The following CPXM2 variants were observed in gnomAD, a reference collection of about 807,000 sequenced individuals.
CPXM2 encodes inactive carboxypeptidase-like protein X2.
A neutral mutation model predicts 86.1 loss-of-function variants in CPXM2; 66 were observed. The ratio of observed to expected loss-of-function variants is 0.77; its 90% CI spans 0.63 to 0.94. The LOEUF is 0.94. Among genes scored for constraint, CPXM2 ranks in the 40% least tolerant of loss-of-function variants. CPXM2 has a pLI of 0.00. For missense variants in CPXM2, 948 were observed against 1,026.3 expected (o/e 0.92, Z 1.04); for synonymous variants, 388 against 400.2 (o/e 0.97, Z 0.36).
chr10:123,789,088 G>A (rs548859820), intron 6 of CPXM2, among the ~76,000 whole-genome samples: 6 of 152,190 alleles, frequency 3.9e-5, no homozygotes, highest in South Asian at 2.1e-4. Flanking sequence ...AGCTGAGCAC[G>A]AAACCCCTCC....
chr10:123,843,430 C>CT lies in CPXM2; in HGVS notation c.514-943dup, dbSNP rs1295436202. Among the ~76,000 whole-genome samples, 647 of 104,426 alleles carry CT rather than the reference C, an allele frequency of 6.2e-3. 7 individuals carry two copies. Among genetic ancestry groups the CT allele is most frequent in the African/African-American group, 0.024 (609 of 25,656 alleles). 68.5% of individuals were successfully genotyped at this position (104,426 alleles called of 152,430 possible). A position where few individuals can be genotyped will look rare whatever the true frequency, so the allele number is the denominator to read the frequency against. On this transcript the variant is annotated intron_variant, in intron 3 of 13. Coordinates refer to ENST00000241305, the MANE Select transcript of CPXM2 (RefSeq NM_198148.3). ...ATTTTTCCATGGCTATTTCACAGAG[C>CT]TATTTTTTTTTTTTTTTTTTTGAGA... is the stretch of plus-strand genomic sequence containing the variant.
At chr10:123,882,109 GA>G (rs1252904200) in intron 1 of CPXM2, among the ~76,000 whole-genome samples, 1 of 152,182 alleles carries the variant, frequency 6.6e-6, no homozygotes, top group African/African-American at 2.4e-5. Flanking sequence ...CACTTATTAA[GA>G]AAACCTTAAA....
At chr10:123,840,681 A>G (rs1029355560) in intron 4 of CPXM2, among the ~76,000 whole-genome samples, 7 of 152,248 alleles carry the variant, frequency 4.6e-5, no homozygotes, top group Admixed American at 2.0e-4. Flanking sequence ...CATAAGGACC[A>G]CGGAATCATG....
chr10:123,815,988 A>G (rs1045192590), intron 4 of CPXM2, among the ~76,000 whole-genome samples: 1 of 152,118 alleles, frequency 6.6e-6, no homozygotes, highest in African/African-American at 2.4e-5. Flanking sequence ...AAGTTCTAAC[A>G]GTTTATTTGC....
At chr10:123,805,271 C>T (rs553532878) in intron 4 of CPXM2, among the ~76,000 whole-genome samples, 179 of 151,856 alleles carry the variant, frequency 1.2e-3, no homozygotes, top group Non-Finnish European at 2.1e-3. Flanking sequence ...GTTTGATTTA[C>T]GATTCTTTTT....
chr10:123,870,528 T>G (rs920090747), intron 2 of CPXM2, among the ~76,000 whole-genome samples: 1 of 152,236 alleles, frequency 6.6e-6, no homozygotes, highest in African/African-American at 2.4e-5. Context: ...ACATTCCCTT[T>G]GATCAGTGAA....
At chr10:123,902,196 C>T (rs1352127674) in intron 2 of CPXM2, among the ~76,000 whole-genome samples, 1 of 152,104 alleles carries the variant, frequency 6.6e-6, no homozygotes, top group African/African-American at 2.4e-5. Context: ...GTTTTCTGAA[C>T]TTGGAGTGGG....
chr10:123,942,707 GCC>G (rs1238865354), upstream of CPXM2, among the ~76,000 whole-genome samples: 1 of 152,158 alleles, frequency 6.6e-6, no homozygotes, highest in African/African-American at 2.4e-5. Context: ...CCAGCCAGCA[GCC>G]CTCAGGAGGG....
chr10:123,843,224 C>T (rs1413822140), intron 3 of CPXM2: 1 of 449,572 alleles, frequency 2.2e-6, no homozygotes, highest in Admixed American at 2.4e-5. Context: ...ATAGCTGGGA[C>T]TACAAGCACA....
chr10:123,757,564 T>C (rs4246949), intron 11 of CPXM2, among the ~76,000 whole-genome samples: 115,750 of 152,194 alleles, frequency 0.76, 44,114 homozygotes, highest in Non-Finnish European at 0.76. Context: ...CCGGAATGGT[T>C]TGTGGTGAGG....
intron 3 of CPXM2, among the ~76,000 whole-genome samples, chr10:123,861,987 C>T (rs997698207): frequency 2.6e-5 from 4 of 152,156 alleles, no homozygotes; most frequent in South Asian, 2.1e-4. Flanking sequence ...AATTGCACGG[C>T]GTGTAGAGTG....
At chr10:123,907,751 C>G (rs368656590) in intron 2 of CPXM2, among the ~76,000 whole-genome samples, 50 of 140,806 alleles carry the variant, frequency 3.6e-4, no homozygotes, top group Admixed American at 3.5e-4. Flanking sequence ...AAGAAAGGGA[C>G]TGGACCCCGC....
chr10:123,751,562 C>CT, intron 13 of CPXM2: 7 of 985,364 alleles, frequency 7.1e-6, no homozygotes, highest in Non-Finnish European at 7.2e-6. Context: ...TCAGTACCCA[C>CT]CAAGCAAAGG....
chr10:123,747,145 C>CCT, intron 13 of CPXM2, 128 bp from the exon 14 acceptor site: 1 of 1,095,644 alleles, frequency 9.1e-7, no homozygotes, highest in Non-Finnish European at 1.3e-6. Context: ...AATCCGAGCT[C>CCT]CTGCAGATGC....
Position 123,753,088 on chromosome 10 carries a change from G to A in CPXM2, c.2017+1575C>T, listed in dbSNP as rs7918836. Among the ~76,000 whole-genome samples, 1,446 of 152,242 alleles carry A rather than the reference G, an allele frequency of 9.5e-3. 21 individuals carry two copies. The highest frequency in any genetic ancestry group is 0.026 in the African/African-American group (1,064 of 41,534). ...GGGTTGGTTGCACTGAGAGGGTGAC[G>A]TCTGAGCAAAGACCTGAAAGGGAGG... On this transcript the variant is annotated intron_variant, in intron 13 of 13. Coordinates refer to ENST00000241305, the MANE Select transcript of CPXM2 (RefSeq NM_198148.3).
At chr10:123,834,448 G>A (rs1848236582) in intron 4 of CPXM2, among the ~76,000 whole-genome samples, 1 of 152,246 alleles carries the variant, frequency 6.6e-6, no homozygotes, top group African/African-American at 2.4e-5. Context: ...GAGAGGACAT[G>A]AAGCAACTGA....
chr10:123,913,335 A>G (rs1945505436), intron 2 of CPXM2, among the ~76,000 whole-genome samples: 1 of 152,200 alleles, frequency 6.6e-6, no homozygotes, highest in South Asian at 2.1e-4. Context: ...AAAAGAGAAT[A>G]TGTATTCTCC....
chr10:123,755,208 A>G (rs1227196311), intron 12 of CPXM2, among the ~76,000 whole-genome samples: 1 of 152,196 alleles, frequency 6.6e-6, no homozygotes, highest in African/African-American at 2.4e-5. Flanking sequence ...ATGCCCTCTG[A>G]GGCCAGCCCC....
chr10:123,902,727 T>G (rs1442461082), intron 2 of CPXM2, among the ~76,000 whole-genome samples: 7 of 152,152 alleles, frequency 4.6e-5, no homozygotes, highest in East Asian at 3.9e-4. Flanking sequence ...CCCCCAAAGC[T>G]CCATCTAATA....
Sources: allele counts gnomAD v4.1 joint callset (sites outside exome capture counted in the v4.1 genomes callset), GRCh38; gene constraint gnomAD v4.1.1; transcripts MANE v1.5; gene names NCBI Gene and HGNC (gene_info 2026-07-23, HGNC 2026-07-21).